STK38: variants seen among roughly 807,000 people sequenced by gnomAD.
The protein encoded by STK38 is serine/threonine kinase 38.
STK38 carries 26 observed loss-of-function variants against 59.0 expected under a neutral mutation model. That is an observed-to-expected ratio of 0.44 (90% CI 0.32 to 0.61). The LOEUF is 0.61. Among genes scored for constraint, STK38 ranks in the 20% least tolerant of loss-of-function variants. The pLI, the probability that STK38 is intolerant of heterozygous loss-of-function variation, is 0.04. For synonymous variants in STK38, 175 were observed against 176.6 expected, an observed-to-expected ratio of 0.99 and a Z score of 0.07; for missense variants, 433 against 566.0, an observed-to-expected ratio of 0.76 and a Z score of 2.38.
intron 9 of STK38, 21 bp from the exon 10 acceptor site, chr6:36,500,011 C>T (rs1388470033): frequency 6.3e-7 from 1 of 1,584,248 alleles, no homozygotes; most frequent in Admixed American, 1.7e-5. Context: ...GACCACACAT[C>T]AGCGAGGCCC....
chr6:36,509,940 T>C lies in STK38; in HGVS notation c.670-2338A>G, dbSNP rs9394356. ...CCAGAGTGTGAGTCCAGGGTTTGTA[T>C]GGGTTTCAAAAGAGAGAAAGTACGT... On this transcript the variant is annotated intron_variant, in intron 7 of 13. Coordinates refer to ENST00000229812, the MANE Select transcript of STK38 (RefSeq NM_007271.4). 1.2e-3 allele frequency among the ~76,000 whole-genome samples: 181 copies of C among 152,266 alleles called. 3 individuals are homozygous for C. In the East Asian group the frequency reaches 0.03, roughly 26 times the overall value.
chr6:36,527,235 T>C (rs1183782026), intron 2 of STK38, among the ~76,000 whole-genome samples: 2 of 145,166 alleles, frequency 1.4e-5, no homozygotes, highest in Non-Finnish European at 3.0e-5. Flanking sequence ...TATATTTATA[T>C]GTATATACAC....
chr6:36,540,797 T>C (rs1362471071), intron 1 of STK38, among the ~76,000 whole-genome samples: 2 of 152,126 alleles, frequency 1.3e-5, no homozygotes, highest in African/African-American at 2.4e-5. Flanking sequence ...TGGCTAATTT[T>C]GTATTTTTAG....
In STK38 at chr6:36,495,878, T is replaced by G; in HGVS notation, c.1304A>C (p.Asn435Thr). 6.2e-7 allele frequency: 1 copy of G among 1,614,062 alleles called. No individual in the cohort carries two copies. The highest frequency in any genetic ancestry group is 8.5e-7 in the Non-Finnish European group (1 of 1,179,970). ...TSNHPETDYK[N>T]KDWVFINYTY... ...GTAATTGATGAAGACCCAGTCTTTG[T>G]TCTTGTAGTCAGTCTCAGGATGATT... The change falls in exon 14 of 14, where the codon AAC (asparagine) becomes ACC (threonine). Residue 435 changes from asparagine to threonine, a missense_variant. Physicochemically the swap from Asn to Thr is moderately conservative, Grantham distance 65 (BLOSUM62 0). Around this residue, in one of 3 missense-constraint regions of STK38, gnomAD observed 136 missense variants for 156.7 expected, o/e 0.87. Transcript: ENST00000229812.
intron 6 of STK38, among the ~76,000 whole-genome samples, chr6:36,517,103 G>C (rs1777273613): frequency 7.0e-6 from 1 of 142,726 alleles, no homozygotes; most frequent in Admixed American, 7.0e-5. Flanking sequence ...AAAGAAAAAA[G>C]TTCTCTCTCT....
Position 36,524,321 on chromosome 6 carries a change from C to A in STK38, c.306+20G>T, listed in dbSNP as rs1777457012. The A allele has an allele frequency of 6.3e-7, 1 of 1,592,440 alleles. No individual in the cohort carries two copies. On this transcript the variant is annotated intron_variant, in intron 4 of 13. Transcript: ENST00000229812. ...AGTTTTGCAATATTTTTCTACTTGA[C>A]AAGTAGCTGTGATTTTTACCTCACC...
At chr6:36,527,191 C>CAAAAAAAA (rs777770396) in intron 2 of STK38, among the ~76,000 whole-genome samples, 27 of 46,008 alleles carry the variant, frequency 5.9e-4, no homozygotes, top group African/African-American at 1.2e-3. Flanking sequence ...GACTCCGTCT[C>CAAAAAAAA]AAAAAAAAAA....
intron 7 of STK38, among the ~76,000 whole-genome samples, chr6:36,510,012 G>A (rs546706896): frequency 4.6e-5 from 7 of 152,258 alleles, no homozygotes; most frequent in African/African-American, 7.2e-5. Flanking sequence ...AAAAACCACC[G>A]CAAGTTCTTA....
Position 36,524,451 on chromosome 6 carries a change from T to G in STK38, c.196A>C (p.Arg66=). The change falls in exon 4 of 14, where the codon AGA becomes CGA. Residue 66 remains arginine (R), a synonymous_variant. Transcript: ENST00000229812. ...GTTTCCTTCCGAGCATGTGCTGATC[T>G]CCGGAGTCGTTTCTAATATTTAAAT... The part of the protein sequence containing the change: ...GLKDEEKRLR[R]SAHARKETEF... The G allele has an allele frequency of 6.3e-7, 1 of 1,597,916 alleles. No individual in the cohort carries two copies. Among genetic ancestry groups the G allele is most frequent in the Non-Finnish European group, 8.5e-7 (1 of 1,175,622 alleles).
intron 2 of STK38, among the ~76,000 whole-genome samples, chr6:36,537,333 A>T (rs1395108946): frequency 6.6e-6 from 1 of 152,224 alleles, no homozygotes; most frequent in Non-Finnish European, 1.5e-5. Context: ...AAGGTCTAGC[A>T]GTTTCTTATA....
At chr6:36,530,102 G>A (rs1314948970) in intron 2 of STK38, among the ~76,000 whole-genome samples, 3 of 151,954 alleles carry the variant, frequency 2.0e-5, no homozygotes, top group Admixed American at 6.6e-5. Flanking sequence ...TTAGCCGGGC[G>A]TGGTGGCACG....
At chr6:36,527,210 ATATGT>A (rs1444722676) in intron 2 of STK38, among the ~76,000 whole-genome samples, 2 of 123,392 alleles carry the variant, frequency 1.6e-5, no homozygotes, top group African/African-American at 5.9e-5. Flanking sequence ...AAAAAAAAAT[ATATGT>A]ATATATATAT....
In STK38 at chr6:36,540,110, A is replaced by G. The variant is rs1203662469; in HGVS notation, c.93T>C (p.Tyr31=). The G allele has an allele frequency of 6.2e-7, 1 of 1,614,132 alleles. No individual in the cohort carries two copies. The highest frequency in any genetic ancestry group is 1.1e-5 in the South Asian group (1 of 91,080). Reference sequence around the variant, plus strand: ...CTTCATGTTGAGCGATAAGGTTGCTATAAAAATTCTCCAGTGTCACTTTGG... The same window carrying G: ...CTTCATGTTGAGCGATAAGGTTGCTGTAAAAATTCTCCAGTGTCACTTTGG... The part of the protein sequence containing the change: ...TMTKVTLENF[Y]SNLIAQHEER... The change falls in exon 2 of 14, where the codon TAT becomes TAC. Residue 31 remains tyrosine, a synonymous_variant. Transcript: ENST00000229812.
intron 7 of STK38, among the ~76,000 whole-genome samples, chr6:36,511,904 C>T (rs1353055573): frequency 6.6e-6 from 1 of 151,606 alleles, no homozygotes; most frequent in African/African-American, 2.4e-5. Flanking sequence ...ACTAAAAATA[C>T]AAAAATTAGC....
intron 2 of STK38, among the ~76,000 whole-genome samples, chr6:36,533,606 T>C (rs1181174595): frequency 6.6e-6 from 1 of 152,226 alleles, no homozygotes; most frequent in Non-Finnish European, 1.5e-5. Flanking sequence ...CAATGTATCA[T>C]TTATTAATAA....
chr6:36,513,892 A>G (rs570457856), intron 7 of STK38, among the ~76,000 whole-genome samples: 41 of 146,394 alleles, frequency 2.8e-4, no homozygotes, highest in Non-Finnish European at 4.6e-4. Flanking sequence ...TTGGTGGCTC[A>G]CGCCTGTAAT....
At chr6:36,510,557 C>T (rs1043786204) in intron 7 of STK38, among the ~76,000 whole-genome samples, 48 of 152,354 alleles carry the variant, frequency 3.2e-4, no homozygotes, top group Admixed American at 6.5e-4. Context: ...GCACACAGCC[C>T]TGACCGCACC....
intron 5 of STK38, among the ~76,000 whole-genome samples, chr6:36,519,140 A>G (rs2267929): frequency 0.27 from 41,169 of 152,030 alleles, 6,354 homozygotes; most frequent in African/African-American, 0.42. Flanking sequence ...TACTAAAATC[A>G]TTCTTTGGGG....
intron 10 of STK38, 67 bp downstream of exon 10, chr6:36,499,806 G>C (rs886067668): frequency 1.6e-6 from 2 of 1,243,930 alleles, no homozygotes; most frequent in Non-Finnish European, 2.4e-6. Flanking sequence ...TTGAAACAGA[G>C]GCTGGTATCA....
Sources: allele counts gnomAD v4.1 joint callset (sites outside exome capture counted in the v4.1 genomes callset), GRCh38; gene constraint gnomAD v4.1.1; regional missense constraint gnomAD v4.1.1; transcripts MANE v1.5; gene names NCBI Gene and HGNC (gene_info 2026-07-23, HGNC 2026-07-21).